The following PIWIL4 variants were observed in gnomAD, a reference collection of about 807,000 sequenced individuals.
PIWIL4 encodes piwi-like protein 4.
Under a neutral mutation model 100.9 loss-of-function variants are expected in PIWIL4, and 50 were observed. The observed-to-expected ratio is 0.50, with a 90% confidence interval of 0.39 to 0.63. The LOEUF (loss-of-function observed/expected upper bound fraction) is 0.63, where lower values mean the gene tolerates loss of function less well. Ranked by LOEUF, PIWIL4 falls within the 20% of genes least tolerant of loss-of-function variation. The pLI is 0.00. For missense variants in PIWIL4, 887 were observed against 1,043.3 expected, an observed-to-expected ratio of 0.85 and a Z score of 2.06; for synonymous variants, 342 against 367.5, an observed-to-expected ratio of 0.93 and a Z score of 0.79.
chr11:94,617,826 T>C, intron 16 of PIWIL4, 128 bp from the exon 17 acceptor site: 1 of 933,382 alleles, frequency 1.1e-6, no homozygotes, highest in Non-Finnish European at 1.7e-6. Flanking sequence ...ATAACCCAAA[T>C]TATGTATTGC....
chr11:94,593,302 TA>T (rs1186121746), intron 8 of PIWIL4, among the ~76,000 whole-genome samples: 2 of 152,198 alleles, frequency 1.3e-5, no homozygotes, highest in African/African-American at 2.4e-5. Context: ...ACGATATTTT[TA>T]ATGGTGTTGC....
At chr11:94,571,240 C>A (rs1013886687) in intron 2 of PIWIL4, among the ~76,000 whole-genome samples, 1 of 152,076 alleles carries the variant, frequency 6.6e-6, no homozygotes, top group Non-Finnish European at 1.5e-5. Flanking sequence ...ATCTGCCACA[C>A]ATTTTTTTTT....
At position 94,596,464 on chromosome 11, in the gene PIWIL4, T is replaced by G. The variant is rs114967361; in HGVS notation, c.1268+1038T>G. Among the ~76,000 whole-genome samples the G allele has an allele frequency of 7.9e-3, 1,210 of 152,304 alleles. 16 individuals are homozygous for G. The highest frequency in any genetic ancestry group is 0.028 in the African/African-American group (1,147 of 41,566). Reference sequence around the variant, plus strand: ...ACTCTGCAAACGCATATAATCCTATTTTTTAAAAGAGAAATGGTATAATAC... The same window carrying G: ...ACTCTGCAAACGCATATAATCCTATGTTTTAAAAGAGAAATGGTATAATAC... On this transcript the variant is annotated intron_variant, in intron 10 of 19. Transcript: ENST00000299001.
rs781537031 is a variant in PIWIL4 at position 94,575,010 on chromosome 11, A to G, written c.178A>G (p.Ile60Val). The change falls in exon 3 of 20, where the codon ATA becomes GTA. Residue 60 changes from isoleucine (I) to valine (V), a missense_variant. Ile to Val is a conservative substitution (Grantham distance 29). Coordinates refer to ENST00000299001, the MANE Select transcript of PIWIL4 (RefSeq NM_152431.3). ...SRISTNDKYG[I>V]SSGDAGSTFM... ...TCTTCATGTTTTAGATAAATATGGG[A>G]TATCTTCTGGTGATGCTGGAAGTAC... 2.5e-6 allele frequency: 4 copies of G among 1,612,516 alleles called. No individual in the cohort carries two copies.
At chr11:94,573,321 CTA>C (rs1435124338) in intron 2 of PIWIL4, among the ~76,000 whole-genome samples, 1 of 152,174 alleles carries the variant, frequency 6.6e-6, no homozygotes, top group Non-Finnish European at 1.5e-5. Context: ...ACTTCCAACA[CTA>C]TGTTGAATAG....
chr11:94,595,241 A>G, intron 9 of PIWIL4, 68 bp from the exon 10 acceptor site: 1 of 1,315,404 alleles, frequency 7.6e-7, no homozygotes, highest in Non-Finnish European at 1.1e-6. Context: ...AAAGGTTTAA[A>G]CTGGGCCTTT....
chr11:94,573,291 GC>G (rs1948185511), intron 2 of PIWIL4, among the ~76,000 whole-genome samples: 1 of 152,106 alleles, frequency 6.6e-6, no homozygotes, highest in African/African-American at 2.4e-5. Flanking sequence ...TCTTTCTCCT[GC>G]CTGATTGCCC....
intron 9 of PIWIL4, among the ~76,000 whole-genome samples, chr11:94,594,824 G>A (rs668895): frequency 0.15 from 23,500 of 152,110 alleles, 2,160 homozygotes; most frequent in African/African-American, 0.25. Flanking sequence ...GAGCCACAGC[G>A]CCCGGCCTAA....
At chr11:94,585,218 C>T (rs1003278751) in intron 5 of PIWIL4, among the ~76,000 whole-genome samples, 1 of 152,202 alleles carries the variant, frequency 6.6e-6, no homozygotes, top group African/African-American at 2.4e-5. Context: ...CAGCTAAACC[C>T]AGACAGATAA....
chr11:94,601,143 T>A (rs1948633564), intron 11 of PIWIL4, among the ~76,000 whole-genome samples: 1 of 151,534 alleles, frequency 6.6e-6, no homozygotes, highest in South Asian at 2.1e-4. Flanking sequence ...AAGGTATTGA[T>A]TGAGGAAGTG....
intron 1 of PIWIL4, 152 bp from the exon 2 acceptor site, chr11:94,568,578 C>A: frequency 7.1e-6 from 4 of 565,928 alleles, no homozygotes; most frequent in Admixed American, 3.0e-5. Context: ...CTAGAATGGG[C>A]ACTCTCTTCT....
chr11:94,572,646 A>G lies in PIWIL4; in HGVS notation c.167-2353A>G, dbSNP rs567376252. Among the ~76,000 whole-genome samples, 7 of 152,260 alleles carry G rather than the reference A, an allele frequency of 4.6e-5. No individual in the cohort carries two copies. The East Asian group carries it at 1.3e-3, about 29-fold the overall frequency. ...GGACTCTGTTCTATTCCATTGATCTATATCTCTGTTTTGGTACCAGTACCA... is the reference window on the plus strand; with the variant it reads ...GGACTCTGTTCTATTCCATTGATCTGTATCTCTGTTTTGGTACCAGTACCA... On this transcript the variant is annotated intron_variant, in intron 2 of 19. Transcript: ENST00000299001.
rs926588577 is a variant in PIWIL4 at position 94,597,902 on chromosome 11, T to C, written c.1367T>C (p.Met456Thr). ...GRIVPSEKIL[M>T]QDHICQPVSA... ...ATTGTGCCTTCAGAAAAAATATTAATGCAAGACCACATAGTAAGTGCTGTG... is the reference window on the plus strand; with the variant it reads ...ATTGTGCCTTCAGAAAAAATATTAACGCAAGACCACATAGTAAGTGCTGTG... Residue 456 changes from methionine to threonine, a missense_variant, in exon 11 of 20, where the codon ATG becomes ACG. Physicochemically the swap from Met to Thr is moderately conservative, Grantham distance 81 (BLOSUM62 -1). Around this residue, in one of 2 missense-constraint regions of PIWIL4, gnomAD observed 741 missense variants for 930.0 expected, o/e 0.80. Transcript: ENST00000299001. The C allele has an allele frequency of 6.2e-7, 1 of 1,609,648 alleles. No homozygotes were observed. The highest frequency in any genetic ancestry group is 1.1e-5 in the South Asian group (1 of 90,992).
At chr11:94,593,481 A>T (rs372589063) in intron 8 of PIWIL4, 37 bp from the exon 9 acceptor site, 1 of 1,598,500 alleles carries the variant, frequency 6.3e-7, no homozygotes, top group Non-Finnish European at 8.5e-7. Flanking sequence ...CGGTGCTTCC[A>T]TGTTAACTTT....
At chr11:94,575,199 G>T in intron 3 of PIWIL4, 69 bp downstream of exon 3, 1 of 1,484,004 alleles carries the variant, frequency 6.7e-7, no homozygotes, top group East Asian at 2.3e-5. Context: ...CAAATTCTAG[G>T]TCTAAAATAA....
At chr11:94,596,287 C>T (rs1348578116) in intron 10 of PIWIL4, among the ~76,000 whole-genome samples, 1 of 147,714 alleles carries the variant, frequency 6.8e-6, no homozygotes, top group Non-Finnish European at 1.5e-5. Flanking sequence ...TAAAGTAGTA[C>T]TAGCTCATGG....
At position 94,597,767 on chromosome 11, in the gene PIWIL4, A is replaced by C. The variant is rs769532030; in HGVS notation, c.1269-37A>C. 7.7e-6 allele frequency: 11 copies of C among 1,422,384 alleles called. No individual in the cohort carries two copies. The East Asian group carries it at 2.3e-4, about 30-fold the overall frequency. 88.1% of individuals were successfully genotyped at this position (1,422,384 alleles called of 1,614,324 possible). On this transcript the variant is annotated intron_variant, in intron 10 of 19. Coordinates refer to ENST00000299001, the MANE Select transcript of PIWIL4 (RefSeq NM_152431.3). ...GACGAATTCAGTAAGTTATAATTAT[A>C]TCTCTCTTTAATGATTTAAAACAAC...
intron 15 of PIWIL4, 63 bp downstream of exon 15, chr11:94,608,749 A>G (rs1489554259): frequency 1.5e-5 from 21 of 1,379,270 alleles, no homozygotes; most frequent in African/African-American, 2.9e-5. Context: ...TGGTTTCACT[A>G]AAGAATGTAA....
intron 9 of PIWIL4, among the ~76,000 whole-genome samples, chr11:94,594,443 G>A (rs2135271631): frequency 6.7e-6 from 1 of 149,860 alleles, no homozygotes; most frequent in South Asian, 2.1e-4. Context: ...TCCAGCCTGA[G>A]TGACAGAGCA....
Sources: gnomAD v4.1 joint callset for allele counts (sites outside exome capture counted in the v4.1 genomes callset) on GRCh38, gnomAD v4.1.1 for gene constraint, gnomAD v4.1.1 regional missense constraint, MANE v1.5 for transcripts, NCBI Gene and HGNC (gene_info 2026-07-23, HGNC 2026-07-21) for gene names.